Variants in RORB observed in about 807,000 individuals in gnomAD.
The protein encoded by RORB is nuclear receptor ROR-beta.
In RORB, 6 loss-of-function variants were observed where a neutral mutation model predicts 59.1. The observed-to-expected ratio is 0.10, with a 90% CI of 0.06 to 0.20. The LOEUF is 0.20. Among genes scored for constraint, RORB ranks in the 10% least tolerant of loss-of-function variants. The probability of loss-of-function intolerance (pLI) is 1.00; values close to 1 mark genes in which losing one functional copy is unlikely to be tolerated. For missense variants in RORB, 320 were observed against 560.5 expected, an observed-to-expected ratio of 0.57 and a Z score of 4.33; for synonymous variants, 215 against 204.5, an observed-to-expected ratio of 1.05 and a Z score of -0.44.
intron 1 of RORB, among the ~76,000 whole-genome samples, chr9:74,616,644 T>C (rs867000316): frequency 4.8e-4 from 73 of 152,320 alleles, no homozygotes; most frequent in African/African-American, 1.7e-3. Context: ...GTTCAGAAAT[T>C]AATAACACTA....
At chr9:74,628,451 A>C (rs1823558098) in intron 1 of RORB, among the ~76,000 whole-genome samples, 1 of 152,182 alleles carries the variant, frequency 6.6e-6, no homozygotes. Context: ...TCAATTCCCA[A>C]ATCACCTCAA....
At chr9:74,578,694 G>A (rs1822673853) in intron 1 of RORB, among the ~76,000 whole-genome samples, 1 of 152,026 alleles carries the variant, frequency 6.6e-6, no homozygotes, top group Non-Finnish European at 1.5e-5. Flanking sequence ...TCCTTTTTAA[G>A]GATACCTTAT....
intron 3 of RORB, among the ~76,000 whole-genome samples, chr9:74,638,961 T>A (rs1823748777): frequency 6.6e-6 from 1 of 152,272 alleles, no homozygotes; most frequent in Non-Finnish European, 1.5e-5. Context: ...CTCAGTGACC[T>A]GATAAGTCAA....
chr9:74,606,807 C>G (rs1823157017), intron 1 of RORB, among the ~76,000 whole-genome samples: 1 of 152,032 alleles, frequency 6.6e-6, no homozygotes. Flanking sequence ...TTGTTGGTGC[C>G]TTTGTACAGA....
chr9:74,550,528 A>AT (rs1474983309), intron 1 of RORB, among the ~76,000 whole-genome samples: 1 of 152,224 alleles, frequency 6.6e-6, no homozygotes, highest in Non-Finnish European at 1.5e-5. Context: ...ATGTTAGAGA[A>AT]GTAGTTTTTA....
At chr9:74,534,686 C>A (rs964402370) in intron 1 of RORB, among the ~76,000 whole-genome samples, 8 of 152,002 alleles carry the variant, frequency 5.3e-5, no homozygotes, top group Non-Finnish European at 1.0e-4. Flanking sequence ...TATATAAATT[C>A]TCTCTGCAAT....
rs2118589321 is a variant in RORB, at chr9:74,687,932, G to GT, written c.*2316dup. 1 of 152,246 alleles carries GT rather than the reference G, an allele frequency of 6.6e-6. No individual in the cohort carries two copies. The highest frequency in any genetic ancestry group is 2.1e-4 in the South Asian group (1 of 4,820). 9.4% of individuals were successfully genotyped at this position (152,246 alleles called of 1,614,324 possible). ...TGTCAAACTTTGTTTTCATTGTTCT[G>GT]TTGGCCTAGTGTTTTCCATTGTCAG... On this transcript the variant is annotated 3_prime_UTR_variant, in exon 10 of 10. Transcript: ENST00000376896.
At chr9:74,646,283 T>A (rs1217013028) in intron 4 of RORB, among the ~76,000 whole-genome samples, 2 of 152,198 alleles carry the variant, frequency 1.3e-5, no homozygotes, top group Non-Finnish European at 2.9e-5. Context: ...AAACCAGTTT[T>A]TAGACCAGTC....
At chr9:74,604,234 G>C (rs1014346496) in intron 1 of RORB, among the ~76,000 whole-genome samples, 6 of 152,236 alleles carry the variant, frequency 3.9e-5, no homozygotes, top group African/African-American at 7.2e-5. Context: ...CCTGTTTTGA[G>C]GGATGCTAAC....
At chr9:74,665,369 T>C (rs982941034) in intron 6 of RORB, 119 bp from the exon 7 acceptor site, 1 of 502,692 alleles carries the variant, frequency 2.0e-6, no homozygotes, top group Non-Finnish European at 3.4e-6. Context: ...TGTGTATGTG[T>C]CTCTCTGTGT....
chr9:74,541,384 G>T (rs1327425757), intron 1 of RORB, among the ~76,000 whole-genome samples: 1 of 151,222 alleles, frequency 6.6e-6, no homozygotes, highest in Non-Finnish European at 1.5e-5. Context: ...AAGAGAAGTG[G>T]GCTCTATATT....
rs578221465 is a variant in RORB, at chr9:74,623,903, T to C, written c.8-6379T>C. Among the ~76,000 whole-genome samples the C allele has an allele frequency of 6.8e-4, 103 of 152,250 alleles. 2 individuals carry two copies. The highest frequency in any genetic ancestry group is 1.2e-3 in the Admixed American group (18 of 15,288). On this transcript the variant is annotated intron_variant, in intron 1 of 9. Coordinates refer to ENST00000376896, the MANE Select transcript of RORB (RefSeq NM_006914.4). ...ATGAGTTCAAAGCCGCTACAACTTA[T>C]AAAGTGATTTACTTTGTTTACAAGG...
At chr9:74,553,739 C>T (rs934257113) in intron 1 of RORB, among the ~76,000 whole-genome samples, 5 of 152,118 alleles carry the variant, frequency 3.3e-5, no homozygotes, top group Non-Finnish European at 5.9e-5. Context: ...TTATTTTACA[C>T]CCTCTGTTTT....
intron 6 of RORB, among the ~76,000 whole-genome samples, chr9:74,665,102 A>G (rs1192230426): frequency 1.3e-5 from 2 of 152,218 alleles, no homozygotes; most frequent in Non-Finnish European, 2.9e-5. Flanking sequence ...ACTAGCTTTA[A>G]TATTAGTGGA....
At chr9:74,642,349 T>C in intron 3 of RORB, 65 bp from the exon 4 acceptor site, 1 of 1,492,154 alleles carries the variant, frequency 6.7e-7, no homozygotes, top group Non-Finnish European at 9.1e-7. Flanking sequence ...TGACCCGTTG[T>C]ACCTGAGGTG....
Position 74,686,073 on chromosome 9 carries a change from G to T in RORB, c.*455G>T, listed in dbSNP as rs534248907. On this transcript the variant is annotated 3_prime_UTR_variant, in exon 10 of 10. Coordinates refer to ENST00000376896, the MANE Select transcript of RORB (RefSeq NM_006914.4). ...TGTAAATTTGTAGCTGTCTTGGAAAGTACTGTGCATGTATGTAATAAGTAT... is the reference window on the plus strand; with the variant it reads ...TGTAAATTTGTAGCTGTCTTGGAAATTACTGTGCATGTATGTAATAAGTAT... 1.1e-3 allele frequency: 170 copies of T among 153,280 alleles called. 3 individuals are homozygous for T. In the South Asian group the frequency reaches 0.028, roughly 25 times the overall value. The allele number at this position is 153,280 out of a possible 1,614,324, so 9.5% of individuals were successfully genotyped here.
intron 4 of RORB, among the ~76,000 whole-genome samples, chr9:74,649,873 T>C (rs968357): frequency 0.14 from 21,416 of 152,184 alleles, 1,855 homozygotes; most frequent in Non-Finnish European, 0.18. Flanking sequence ...ACTACATTCA[T>C]CTAAAGCACC....
chr9:74,548,707 A>G (rs1410930381), intron 1 of RORB, among the ~76,000 whole-genome samples: 1 of 152,208 alleles, frequency 6.6e-6, no homozygotes, highest in Admixed American at 6.5e-5. Flanking sequence ...ATTGCAGAGA[A>G]TGTGGAAAAT....
At position 74,515,552 on chromosome 9, in the gene RORB, A is replaced by G. The variant is rs371704704; in HGVS notation, c.7+17569A>G. ...TTTTATTTTCTCAAACTTTACACAT[A>G]ACTTTTGAAGATTCCTCCAAGAATC... is the stretch of plus-strand genomic sequence containing the variant. On this transcript the variant is annotated intron_variant, in intron 1 of 9. Transcript: ENST00000376896. 1.6e-3 allele frequency among the ~76,000 whole-genome samples: 243 copies of G among 152,156 alleles called. 1 individual carries two copies. The highest frequency in any genetic ancestry group is 5.7e-3 in the African/African-American group (237 of 41,538).
Sources: gnomAD v4.1 joint callset for allele counts (sites outside exome capture counted in the v4.1 genomes callset) on GRCh38, gnomAD v4.1.1 for gene constraint, MANE v1.5 for transcripts, NCBI Gene and HGNC (gene_info 2026-07-23, HGNC 2026-07-21) for gene names.